Variants in MAP3K15 observed in about 807,000 individuals in gnomAD.
The protein encoded by MAP3K15 is MAPK/ERK kinase kinase 15.
MAP3K15 carries 124 observed loss-of-function variants against 99.5 expected under a neutral mutation model. The ratio of observed to expected loss-of-function variants is 1.25; its 90% confidence interval spans 1.08 to 1.45. MAP3K15 has a LOEUF of 1.45. Among genes scored for constraint, MAP3K15 ranks in the 40% most tolerant of loss-of-function variants. The pLI, the probability that MAP3K15 is intolerant of heterozygous loss-of-function variation, is 0.00. For synonymous variants in MAP3K15, 494 were observed against 439.6 expected, an observed-to-expected ratio of 1.12 and a Z score of -1.55; for missense variants, 1,242 against 1,079.7, an observed-to-expected ratio of 1.15 and a Z score of -2.11.
chrX:19,414,531 G>A (rs1003753868), intron 10 of MAP3K15, among the ~76,000 whole-genome samples: 12 of 111,946 alleles, frequency 1.1e-4, no homozygotes, highest in African/African-American at 3.6e-4. Flanking sequence ...ACTCTAAGAC[G>A]GTCATAACAT....
At position 19,373,604 on chromosome X, in the gene MAP3K15, G is replaced by T. The variant is rs143992275; in HGVS notation, c.2865C>A (p.Ser955=). The T allele has an allele frequency of 8.4e-7, 1 of 1,189,078 alleles. No individual in the cohort carries two copies. The highest frequency in any genetic ancestry group is 3.0e-5 in the East Asian group (1 of 32,965). The change falls in exon 21 of 29, where the codon TCC becomes TCA. Residue 955 remains serine (S), a synonymous_variant. Coordinates refer to ENST00000338883, the MANE Select transcript of MAP3K15 (RefSeq NM_001001671.4). ...CAAAGAGTGCGTCAGGCTGGGCGTC[G>T]GAGTCTGGGGAGACAGAGCCGTGCT... ...SSEHGSVSPD[S]DAQPDALFER... is the part of the protein sequence containing the mutation.
chrX:19,507,735 AG>A (rs1344154059), intron 1 of MAP3K15, among the ~76,000 whole-genome samples: 2 of 110,097 alleles, frequency 1.8e-5, no homozygotes, highest in Admixed American at 9.8e-5. Flanking sequence ...AGCTCATGAT[AG>A]GGGAGTTTGT....
intron 18 of MAP3K15, among the ~76,000 whole-genome samples, chrX:19,384,103 T>C (rs1469185014): frequency 1.8e-5 from 2 of 112,228 alleles, no homozygotes; most frequent in African/African-American, 6.5e-5. Context: ...CATCAACAGA[T>C]GAATGGATAA....
intron 20 of MAP3K15, among the ~76,000 whole-genome samples, chrX:19,373,912 C>G (rs773878447): frequency 5.7e-4 from 63 of 111,440 alleles, no homozygotes; most frequent in African/African-American, 2.0e-3. Context: ...GCCACTCACT[C>G]TGGCAGCTTC....
chrX:19,506,675 A>G (rs1220742511), intron 1 of MAP3K15, among the ~76,000 whole-genome samples: 2 of 110,368 alleles, frequency 1.8e-5, no homozygotes, highest in East Asian at 5.7e-4. Context: ...GGTGTGTGCC[A>G]TCATGCCCAG....
intron 7 of MAP3K15, 148 bp from the exon 8 acceptor site, chrX:19,426,491 A>T (rs911204580): frequency 1.5e-5 from 5 of 333,235 alleles, no homozygotes; most frequent in Non-Finnish European, 2.6e-5. Flanking sequence ...CTTTACCAAC[A>T]GCCACATGCA....
chrX:19,499,089 A>G (rs759092212), intron 1 of MAP3K15, among the ~76,000 whole-genome samples: 1 of 112,160 alleles, frequency 8.9e-6, no homozygotes, highest in Admixed American at 9.5e-5. Context: ...TAATAAGATG[A>G]CAGACAACCC....
At chrX:19,416,307 G>A (rs2063734427) in intron 9 of MAP3K15, among the ~76,000 whole-genome samples, 1 of 110,442 alleles carries the variant, frequency 9.1e-6, no homozygotes, top group Admixed American at 9.6e-5. Flanking sequence ...CTCCAGCCTG[G>A]GCAACAGAGC....
Position 19,488,981 on chromosome X carries a change from G to A in MAP3K15, c.362-14C>T. ...CCACAGCAACATCTGCAATGAACAA[G>A]GAGAGGACAGGATTAGGGGAGATGA... On this transcript the variant is annotated splice_polypyrimidine_tract_variant and intron_variant, in intron 1 of 28. Transcript: ENST00000338883. The A allele has an allele frequency of 8.4e-7, 1 of 1,194,108 alleles. No homozygotes were observed. The highest frequency in any genetic ancestry group is 1.8e-5 in the South Asian group (1 of 56,478).
At chrX:19,439,780 A>G (rs1192337455) in intron 6 of MAP3K15, among the ~76,000 whole-genome samples, 1 of 112,176 alleles carries the variant, frequency 8.9e-6, no homozygotes, top group Non-Finnish European at 1.9e-5. Flanking sequence ...ATGGTATGTA[A>G]GTTACACCTT....
chrX:19,430,072 C>G (rs986815413), intron 7 of MAP3K15, among the ~76,000 whole-genome samples: 1 of 112,094 alleles, frequency 8.9e-6, no homozygotes, highest in Non-Finnish European at 1.9e-5. Context: ...TTCCTCCCAT[C>G]GCAATATGCA....
At chrX:19,426,186 T>G (rs1488695550) in intron 8 of MAP3K15, 45 bp downstream of exon 8, 1 of 706,006 alleles carries the variant, frequency 1.4e-6, no homozygotes, top group East Asian at 3.7e-5. Flanking sequence ...AATGCCAAAC[T>G]TGTATAATCA....
At chrX:19,384,328 C>T (rs924469845) in intron 18 of MAP3K15, among the ~76,000 whole-genome samples, 1 of 109,376 alleles carries the variant, frequency 9.1e-6, no homozygotes, top group African/African-American at 3.3e-5. Flanking sequence ...AGGATGGTTA[C>T]CAGAGGCTGG....
intron 1 of MAP3K15, among the ~76,000 whole-genome samples, chrX:19,503,479 G>T (rs893266573): frequency 2.7e-5 from 3 of 112,086 alleles, no homozygotes; most frequent in Non-Finnish European, 5.6e-5. Context: ...AGGCTGGAAT[G>T]CAGTGGCGCA....
chrX:19,402,368 G>A (rs199581554), intron 13 of MAP3K15, among the ~76,000 whole-genome samples: 56 of 111,243 alleles, frequency 5.0e-4, no homozygotes, highest in Non-Finnish European at 9.6e-4. Flanking sequence ...TACATTGCTA[G>A]TGGGAGTGTA....
intron 9 of MAP3K15, among the ~76,000 whole-genome samples, chrX:19,418,398 C>T (rs1388868389): frequency 1.8e-5 from 2 of 111,471 alleles, no homozygotes; most frequent in African/African-American, 6.5e-5. Flanking sequence ...GATGAATGCA[C>T]AAGCCTCGGT....
At chrX:19,447,905 A>AAAAAAAAAAAAAAC in intron 6 of MAP3K15, among the ~76,000 whole-genome samples, 1 of 95,500 alleles carries the variant, frequency 1.0e-5, no homozygotes, top group Non-Finnish European at 2.1e-5. Flanking sequence ...AAAAAAAAAA[A>AAAAAAAAAAAAAAC]GAAACCCACG....
At chrX:19,484,735 C>G (rs1412441823) in intron 3 of MAP3K15, among the ~76,000 whole-genome samples, 2 of 112,395 alleles carry the variant, frequency 1.8e-5, no homozygotes, top group African/African-American at 6.5e-5. Context: ...AAGGAATCAG[C>G]ATTTCATAGC....
At position 19,415,106 on chromosome X, in the gene MAP3K15, C is replaced by T. The variant is rs775320153; in HGVS notation, c.1590+1G>A. The T allele has an allele frequency of 1.3e-5, 15 of 1,145,209 alleles. No homozygotes were observed. The South Asian group carries it at 2.5e-4, about 19-fold the overall frequency. The allele number at this position is 1,145,209 out of a possible 1,213,427, so 94.4% of individuals were successfully genotyped here. On this transcript the variant is annotated splice_donor_variant, in intron 10 of 28. Coordinates refer to ENST00000338883, the MANE Select transcript of MAP3K15 (RefSeq NM_001001671.4). LOFTEE classifies it high-confidence loss of function. ...AAAAAAATGGATTTAGCATATCTTA[C>T]TGGAAATCTGAGTCCATTAGTGACT...
Sources: allele counts gnomAD v4.1 joint callset (sites outside exome capture counted in the v4.1 genomes callset), GRCh38; gene constraint gnomAD v4.1.1; transcripts MANE v1.5; gene names NCBI Gene and HGNC (gene_info 2026-07-23, HGNC 2026-07-21).